The following HHAT variants were observed in gnomAD, a reference collection of about 807,000 sequenced individuals.
HHAT encodes protein-cysteine N-palmitoyltransferase HHAT.
HHAT carries 47 observed loss-of-function variants against 70.8 expected under a neutral mutation model. The observed-to-expected ratio is 0.66, with a 90% confidence interval of 0.53 to 0.85. The LOEUF is 0.85. Ranked by LOEUF, HHAT falls within the 40% of genes least tolerant of loss-of-function variation. The pLI is 0.00. For synonymous variants in HHAT, 228 were observed against 247.6 expected, an observed-to-expected ratio of 0.92 and a Z score of 0.74; for missense variants, 609 against 604.8, an observed-to-expected ratio of 1.01 and a Z score of -0.07.
chr1:210,507,156 G>A (rs1459075220), intron 8 of HHAT, among the ~76,000 whole-genome samples: 2 of 152,052 alleles, frequency 1.3e-5, no homozygotes, highest in Non-Finnish European at 2.9e-5. Context: ...CATGAGACTG[G>A]GAATAAAGAC....
At chr1:210,592,180 T>G (rs757485783) in intron 10 of HHAT, among the ~76,000 whole-genome samples, 7 of 152,154 alleles carry the variant, frequency 4.6e-5, no homozygotes, top group Non-Finnish European at 7.4e-5. Context: ...AATTTAAGTC[T>G]GTAGTTCATT....
At chr1:210,435,917 C>T (rs904741176) in intron 7 of HHAT, among the ~76,000 whole-genome samples, 4 of 151,734 alleles carry the variant, frequency 2.6e-5, no homozygotes, top group Non-Finnish European at 5.9e-5. Flanking sequence ...TGGGATGTCT[C>T]TTCACTTTGT....
chr1:210,496,824 G>A (rs9727854), intron 8 of HHAT, among the ~76,000 whole-genome samples: 13 of 152,292 alleles, frequency 8.5e-5, no homozygotes, highest in African/African-American at 2.9e-4. Context: ...CGGGCTATGG[G>A]GGACTGTTTG....
At position 210,366,635 on chromosome 1, in the gene HHAT, C is replaced by A. The variant is rs1346596878; in HGVS notation, c.159+3716C>A. ...GAGACCTTGTCTCTAAAAATAAAAT[C>A]AAAAACAAGAAACAATTTAAAAAGT... is the stretch of plus-strand genomic sequence containing the variant. On this transcript the variant is annotated intron_variant, in intron 3 of 11. Transcript: ENST00000261458. Among the ~76,000 whole-genome samples, 7 of 152,126 alleles carry A rather than the reference C, an allele frequency of 4.6e-5. No homozygotes were observed. The South Asian group carries it at 1.0e-3, about 23-fold the overall frequency.
intron 9 of HHAT, among the ~76,000 whole-genome samples, chr1:210,552,059 C>T (rs2095532239): frequency 6.6e-6 from 1 of 152,298 alleles, no homozygotes; most frequent in East Asian, 1.9e-4. Flanking sequence ...GCAGTTGCTT[C>T]GTCTCCAGCA....
chr1:210,471,806 T>A (rs916512103), intron 8 of HHAT, among the ~76,000 whole-genome samples: 1 of 152,224 alleles, frequency 6.6e-6, no homozygotes, highest in African/African-American at 2.4e-5. Context: ...AGTAACTGTT[T>A]TCCAATATCA....
chr1:210,366,653 T>A (rs976039666), intron 3 of HHAT, among the ~76,000 whole-genome samples: 11 of 152,064 alleles, frequency 7.2e-5, no homozygotes, highest in African/African-American at 2.4e-4. Flanking sequence ...AGAAACAATT[T>A]AAAAAGTCTC....
Position 210,675,705 on chromosome 1 carries a change from T to A in HHAT, c.*1326T>A, listed in dbSNP as rs765208750. ...CTCCTAGAGTACAGGACCATTTTGTTGATTGTCTTTCTTCATAGCTTCTCT... is the reference window on the plus strand; with the variant it reads ...CTCCTAGAGTACAGGACCATTTTGTAGATTGTCTTTCTTCATAGCTTCTCT... On this transcript the variant is annotated 3_prime_UTR_variant, in exon 12 of 12. Transcript: ENST00000261458. 2.0e-5 allele frequency: 3 copies of A among 152,172 alleles called. No individual in the cohort carries two copies. Among genetic ancestry groups the A allele is most frequent in the Admixed American group, 6.6e-5 (1 of 15,264 alleles). The allele number at this position is 152,172 out of a possible 1,614,324, so 9.4% of individuals were successfully genotyped here. A position where few individuals can be genotyped will look rare whatever the true frequency, so the allele number is the denominator to read the frequency against.
At chr1:210,594,300 GC>G (rs1407757136) in intron 10 of HHAT, among the ~76,000 whole-genome samples, 1 of 151,872 alleles carries the variant, frequency 6.6e-6, no homozygotes, top group Admixed American at 6.6e-5. Context: ...TTAATTTGTT[GC>G]TTTTTGTGTA....
At chr1:210,382,781 T>TGA (rs1468947700) in intron 3 of HHAT, among the ~76,000 whole-genome samples, 1 of 152,146 alleles carries the variant, frequency 6.6e-6, no homozygotes, top group Non-Finnish European at 1.5e-5. Context: ...GGGGCATAAA[T>TGA]GAGGTGCACT....
chr1:210,578,815 C>T (rs1658508552), intron 9 of HHAT, among the ~76,000 whole-genome samples: 1 of 152,146 alleles, frequency 6.6e-6, no homozygotes, highest in African/African-American at 2.4e-5. Flanking sequence ...TATGATTTCA[C>T]TTATATGAGG....
chr1:210,479,644 T>A (rs1349159027), intron 8 of HHAT, among the ~76,000 whole-genome samples: 1 of 152,210 alleles, frequency 6.6e-6, no homozygotes, highest in East Asian at 1.9e-4. Context: ...TGTAACAGTT[T>A]ACCAGTGATT....
intron 2 of HHAT, among the ~76,000 whole-genome samples, chr1:210,352,909 A>C (rs1411657939): frequency 2.6e-5 from 4 of 150,966 alleles, no homozygotes; most frequent in African/African-American, 9.7e-5. Context: ...TTTAGTAGAC[A>C]TAAAACTTTT....
chr1:210,452,354 G>A (rs2093772452), intron 7 of HHAT, among the ~76,000 whole-genome samples: 2 of 152,190 alleles, frequency 1.3e-5, no homozygotes, highest in African/African-American at 2.4e-5. Flanking sequence ...AATATTTAGG[G>A]TTCAGGTGGG....
At chr1:210,654,126 AGAATAGTGTGATGG>A (rs1675850516) in intron 11 of HHAT, among the ~76,000 whole-genome samples, 1 of 104 alleles carries the variant, frequency 9.6e-3, no homozygotes. Flanking sequence ...GTGTGACAGC[AGAATAGTGTGATGG>A]GAATAGTGTG....
intron 6 of HHAT, among the ~76,000 whole-genome samples, chr1:210,408,085 G>C (rs2092402064): frequency 6.6e-6 from 1 of 152,120 alleles, no homozygotes; most frequent in African/African-American, 2.4e-5. Flanking sequence ...CAGTGAAATG[G>C]GAAGAATAAT....
chr1:210,625,319 G>T (rs1417093034), intron 11 of HHAT, among the ~76,000 whole-genome samples: 2 of 152,282 alleles, frequency 1.3e-5, no homozygotes, highest in Admixed American at 6.5e-5. Context: ...AGAACATTGT[G>T]ACTTGGTGGG....
intron 9 of HHAT, among the ~76,000 whole-genome samples, chr1:210,556,765 A>G (rs2095576509): frequency 6.6e-6 from 1 of 152,224 alleles, no homozygotes; most frequent in Admixed American, 6.5e-5. Context: ...TTGCCCAAGA[A>G]TAACAACTCA....
intron 11 of HHAT, among the ~76,000 whole-genome samples, chr1:210,669,103 T>C (rs1044239743): frequency 6.6e-6 from 1 of 152,234 alleles, no homozygotes; most frequent in Non-Finnish European, 1.5e-5. Context: ...GGTTTTTCAC[T>C]GGACCTGCTT....
Sources: gnomAD v4.1 joint callset for allele counts (sites outside exome capture counted in the v4.1 genomes callset) on GRCh38, gnomAD v4.1.1 for gene constraint, MANE v1.5 for transcripts, NCBI Gene and HGNC (gene_info 2026-07-23, HGNC 2026-07-21) for gene names.